ABCA3: variants seen among roughly 807,000 people sequenced by gnomAD.
ABCA3 encodes ATP binding cassette subfamily A member 3, also known as phospholipid-transporting ATPase ABCA3.
Under a neutral mutation model 172.8 loss-of-function variants are expected in ABCA3, and 88 were observed. The ratio of observed to expected loss-of-function variants is 0.51; its 90% CI spans 0.43 to 0.61. The LOEUF (loss-of-function observed/expected upper bound fraction) is 0.61. Ranked by LOEUF, ABCA3 falls within the 20% of genes least tolerant of loss-of-function variation. The probability of loss-of-function intolerance (pLI) is 0.00; values close to 1 mark genes in which losing one functional copy is unlikely to be tolerated. For missense variants in ABCA3, 2,164 were observed against 2,301.0 expected (o/e 0.94, Z 1.22); for synonymous variants, 1,066 against 983.8 (o/e 1.08, Z -1.56).
chr16:2,301,592 C>T (rs970431109), intron 12 of ABCA3, among the ~76,000 whole-genome samples: 6 of 151,834 alleles, frequency 4.0e-5, no homozygotes, highest in African/African-American at 1.5e-4. Flanking sequence ...TGCCTGTAAT[C>T]CCAGCTACTC....
At position 2,297,613 on chromosome 16, in the gene ABCA3, C is replaced by T; in HGVS notation, c.2053-74G>A. On this transcript the variant is annotated intron_variant, in intron 16 of 32. Transcript: ENST00000301732. The surrounding 1 kb of genome is among the most constrained non-coding windows in gnomAD (Gnocchi z 5.6). ...GCCCAGGCTGGCCTTGCGGTAGGCC[C>T]CATCGAGGGGTTCGCGGAGCCGGCT... The T allele has an allele frequency of 6.3e-7, 1 of 1,595,694 alleles. No homozygotes were observed. Among genetic ancestry groups the T allele is most frequent in the Non-Finnish European group, 8.5e-7 (1 of 1,171,402 alleles).
intron 11 of ABCA3, 88 bp downstream of exon 11, chr16:2,308,362 G>A (rs2093701059): frequency 6.5e-7 from 1 of 1,532,176 alleles, no homozygotes. Flanking sequence ...CGTCCCAGGT[G>A]GAGCCTTGCT....
At chr16:2,302,108 A>G (rs1011869942) in intron 12 of ABCA3, among the ~76,000 whole-genome samples, 13 of 152,372 alleles carry the variant, frequency 8.5e-5, no homozygotes, top group African/African-American at 3.1e-4. Context: ...AGTTAATGGA[A>G]TATCTATAGA....
rs568458421 is a variant in ABCA3 at position 2,332,675 on chromosome 16, G to A, written c.-538-2821C>T. 2.7e-5 allele frequency: 43 copies of A among 1,598,446 alleles called. No homozygotes were observed. The East Asian group carries it at 6.3e-4, about 23-fold the overall frequency. ...TTCACCTTGATGAGACCATTGCCGC[G>A]TTTGCAGTGTGCCACAGCTGTGGCT... On this transcript the variant is annotated intron_variant, in intron 1 of 32. Coordinates refer to ENST00000301732, the MANE Select transcript of ABCA3 (RefSeq NM_001089.3).
Position 2,292,226 on chromosome 16 carries a change from G to T in ABCA3, c.2427C>A (p.Leu809=). The T allele has an allele frequency of 6.2e-7, 1 of 1,613,724 alleles. No individual in the cohort carries two copies. Among genetic ancestry groups the T allele is most frequent in the African/African-American group, 1.3e-5 (1 of 75,026 alleles). ...PRESTHRFEG[L]FAKLEKKQKE... is the part of the protein sequence containing the mutation. ...TCTGCTTCTTCTCCAGTTTAGCAAA[G>T]AGACCTTCAAACCTGAAAAACAGAC... Residue 809 remains leucine, a synonymous_variant, in exon 19 of 33, where the codon CTC becomes CTA. Transcript: ENST00000301732.
At chr16:2,280,882 C>T (rs1309651021) in intron 28 of ABCA3, 145 bp downstream of exon 28, 5 of 1,070,116 alleles carry the variant, frequency 4.7e-6, no homozygotes, top group South Asian at 1.4e-5. Context: ...TACCTTGTCT[C>T]GCTGTCCAGA....
chr16:2,337,132 C>A (rs2093753141), intron 1 of ABCA3, among the ~76,000 whole-genome samples: 1 of 149,140 alleles, frequency 6.7e-6, no homozygotes, highest in African/African-American at 2.5e-5. Context: ...CCAGACTGTT[C>A]TCAAACTCTT....
In ABCA3 at chr16:2,324,493, T is replaced by C. The variant is rs1202457869; in HGVS notation, c.358A>G (p.Ile120Val). The C allele has an allele frequency of 1.9e-6, 3 of 1,610,958 alleles. No homozygotes were observed. The highest frequency in any genetic ancestry group is 1.3e-5 in the African/African-American group (1 of 74,820). ...FPSEKDFEDY[I>V]RYDNCSSSVL... The stretch of plus-strand genomic sequence containing the variant: ...CTGGACGAGCAGTTGTCGTACCTAA[T>C]GTAGTCCTCAAAGTCCTTCTCGGAG... The change falls in exon 6 of 33, where the codon ATT becomes GTT. Residue 120 changes from isoleucine to valine, a missense_variant. Coordinates refer to ENST00000301732, the MANE Select transcript of ABCA3 (RefSeq NM_001089.3).
rs769313907 is a variant in ABCA3, at chr16:2,326,255, G to A, written c.74C>T (p.Thr25Met). 6.4e-5 allele frequency: 103 copies of A among 1,613,342 alleles called. No homozygotes were observed. Among genetic ancestry groups the A allele is most frequent in the Non-Finnish European group, 8.2e-5 (97 of 1,180,038 alleles). Residue 25 changes from threonine (T) to methionine (M), a missense_variant, in exon 5 of 33, where the codon ACG (threonine) becomes ATG (methionine). Thr to Met is a moderately conservative substitution (Grantham distance 81, BLOSUM62 -1). Coordinates refer to ENST00000301732, the MANE Select transcript of ABCA3 (RefSeq NM_001089.3). Reference sequence around the variant, plus strand: ...CAATGGCAGGAAGAGTTCCAGGACCGTCACCAGGACCTTCCGCTTCTGGAA... The same window carrying A: ...CAATGGCAGGAAGAGTTCCAGGACCATCACCAGGACCTTCCGCTTCTGGAA... ...YTLQKRKVLV[T>M]VLELFLPLLF...
At chr16:2,325,086 C>T (rs2093732226) in intron 5 of ABCA3, among the ~76,000 whole-genome samples, 1 of 152,102 alleles carries the variant, frequency 6.6e-6, no homozygotes, top group South Asian at 2.1e-4. Context: ...TGGAGGACAG[C>T]TTTCATCCCG....
rs1382946737 is a variant in ABCA3 at position 2,285,680 on chromosome 16, C to T, written c.3279-34G>A. 62 of 1,548,860 alleles carry T rather than the reference C, an allele frequency of 4.0e-5. No homozygotes were observed. The highest frequency in any genetic ancestry group is 5.2e-5 in the Non-Finnish European group (59 of 1,145,314). On this transcript the variant is annotated intron_variant, in intron 22 of 32. Coordinates refer to ENST00000301732, the MANE Select transcript of ABCA3 (RefSeq NM_001089.3). The surrounding 1 kb of genome is among the most constrained non-coding windows in gnomAD (Gnocchi z 4.7). ...GACAGAGAAGGTCAGGGACGGAGCA[C>T]AGCACGTCTGGGTGGCAGGAGAGGT...
intron 6 of ABCA3, 98 bp from the exon 7 acceptor site, chr16:2,323,786 C>A: frequency 7.6e-7 from 1 of 1,310,836 alleles, no homozygotes; most frequent in Non-Finnish European, 1.1e-6. Context: ...CTGTCACAGC[C>A]GAGAACTCAC....
rs913747860 is a variant in ABCA3, at chr16:2,315,405, T to C, written c.1111+1878A>G. ...ATGGCAATAAGGTAACATTATAAAATTGCCAAGGAAGAACACCTATCTGTG... is the reference window on the plus strand; with the variant it reads ...ATGGCAATAAGGTAACATTATAAAACTGCCAAGGAAGAACACCTATCTGTG... On this transcript the variant is annotated intron_variant, in intron 10 of 32. Transcript: ENST00000301732. 3.9e-5 allele frequency among the ~76,000 whole-genome samples: 6 copies of C among 152,158 alleles called. No homozygotes were observed. The East Asian group carries it at 7.7e-4, about 20-fold the overall frequency.
At chr16:2,308,917 G>A (rs2093702272) in intron 10 of ABCA3, among the ~76,000 whole-genome samples, 1 of 151,614 alleles carries the variant, frequency 6.6e-6, no homozygotes, top group South Asian at 2.1e-4. Context: ...TCACGTGGCT[G>A]ATCCCAAACC....
Position 2,279,029 on chromosome 16 carries a change from A to G in ABCA3, c.4461T>C (p.Pro1487=), listed in dbSNP as rs749564106. The G allele has an allele frequency of 6.2e-7, 1 of 1,613,498 alleles. No individual in the cohort carries two copies. Among genetic ancestry groups the G allele is most frequent in the South Asian group, 1.1e-5 (1 of 91,082 alleles). The change falls in exon 29 of 33, where the codon CCT becomes CCC. Residue 1487 remains proline (P), a synonymous_variant. Coordinates refer to ENST00000301732, the MANE Select transcript of ABCA3 (RefSeq NM_001089.3). This position sits in a 1 kb window ranked among gnomAD's most constrained non-coding sequence, Gnocchi z 4.4. The part of the protein sequence containing the change: ...LVMYARLRGI[P]ERHIGACVEN... The stretch of plus-strand genomic sequence containing the variant: ...CCACGCAGGCCCCGATGTGGCGCTC[A>G]GGGATGCCCCGGAGCCGAGCGTACA...
chr16:2,284,306 C>A lies in ABCA3; in HGVS notation c.3835G>T (p.Val1279Phe), dbSNP rs752021996. 9 of 1,613,744 alleles carry A rather than the reference C, an allele frequency of 5.6e-6. No individual in the cohort carries two copies. The Admixed American group carries it at 1.3e-4, about 24-fold the overall frequency. ...TATTTCTTGCAGTAGTGGGCGGCGA[C>A]CTCGGAGGAGGTGCAGTACCTCCGC... ...ETRRYCTSSE[V>F]AAHYCKKYNI... is the part of the protein sequence containing the mutation. Residue 1279 changes from valine (V) to phenylalanine (F), a missense_variant, in exon 25 of 33, where the codon GTC becomes TTC. By Grantham distance (50) the Val-to-Phe change is conservative. Coordinates refer to ENST00000301732, the MANE Select transcript of ABCA3 (RefSeq NM_001089.3). The surrounding 1 kb of genome is among the most constrained non-coding windows in gnomAD (Gnocchi z 5.9).
At chr16:2,332,052 G>A (rs867465465) in intron 1 of ABCA3, among the ~76,000 whole-genome samples, 19 of 152,222 alleles carry the variant, frequency 1.2e-4, no homozygotes, top group South Asian at 4.2e-4. Context: ...CAGAGTGAGC[G>A]CATACTGCAG....
chr16:2,284,870 CAAG>C lies in ABCA3; in HGVS notation c.3609_3611del (p.Phe1203del), dbSNP rs750862009. ...GCCTCGTGTAGGCAGTGGCCGCCCC[CAAG>C]AAGAAGAAGTTCATCAGGTACATGA... is the stretch of plus-strand genomic sequence containing the variant. On this transcript the variant is annotated inframe_deletion, in exon 24 of 33. Coordinates refer to ENST00000301732, the MANE Select transcript of ABCA3 (RefSeq NM_001089.3). This position sits in a 1 kb window ranked among gnomAD's most constrained non-coding sequence, Gnocchi z 5.9. 115 of 1,613,786 alleles carry C rather than the reference CAAG, an allele frequency of 7.1e-5. No homozygotes were observed. Among genetic ancestry groups the C allele is most frequent in the Middle Eastern group, 1.6e-4 (1 of 6,082 alleles).
chr16:2,330,090 G>A (rs1406202338), intron 1 of ABCA3, among the ~76,000 whole-genome samples: 3 of 151,872 alleles, frequency 2.0e-5, no homozygotes, highest in South Asian at 2.1e-4. Context: ...GAGGTCAGGA[G>A]TTTAAGACCA....
Sources: allele counts gnomAD v4.1 joint callset (sites outside exome capture counted in the v4.1 genomes callset), GRCh38; gene constraint gnomAD v4.1.1; non-coding constraint Gnocchi (gnomAD v3.1); transcripts MANE v1.5; gene names NCBI Gene and HGNC (gene_info 2026-07-23, HGNC 2026-07-21).